The following NOMO1 variants were observed in gnomAD, a reference collection of about 807,000 sequenced individuals.
The protein encoded by NOMO1 is nodal modulator 3.
Under a neutral mutation model 133.8 loss-of-function variants are expected in NOMO1, and 40 were observed. The observed-to-expected ratio is 0.30, with a 90% CI of 0.23 to 0.39. The LOEUF is 0.39. Among genes scored for constraint, NOMO1 ranks in the 10% least tolerant of loss-of-function variants. The probability of loss-of-function intolerance (pLI) is 1.00; values close to 1 mark genes in which losing one functional copy is unlikely to be tolerated. For synonymous variants in NOMO1, 236 were observed against 570.5 expected (o/e 0.41, Z 8.36); for missense variants, 462 against 1,419.9 (o/e 0.33, Z 10.84).
Position 14,866,616 on chromosome 16 carries a change from G to A in NOMO1, c.1731G>A (p.Glu577=), listed in dbSNP as rs1310517884. 3 of 1,609,798 alleles carry A rather than the reference G, an allele frequency of 1.9e-6. No individual in the cohort carries two copies. The highest frequency in any genetic ancestry group is 1.1e-5 in the South Asian group (1 of 90,912). Residue 577 remains glutamate (E), a synonymous_variant, in exon 15 of 31, where the codon GAG becomes GAA. Transcript: ENST00000287667. ...AGAGCCTGGAGGTGGAAGTGCTGGA[G>A]GATGACATGTCTGCAGTTGAGTTCA... ...KNKSLEVEVL[E]DDMSAVEFRQ...
In NOMO1 at chr16:14,846,221, T is replaced by C. The variant is rs1380883425; in HGVS notation, c.403-356T>C. Among the ~76,000 whole-genome samples the C allele has an allele frequency of 3.4e-5, 5 of 148,916 alleles. 1 individual carries two copies. The East Asian group carries it at 8.0e-4, about 24-fold the overall frequency. ...TTTGTATTTTTAGTAGAGACAGGGT[T>C]TCACCATGTTGGCCAGGCTGGTCTC... On this transcript the variant is annotated intron_variant, in intron 4 of 30. Coordinates refer to ENST00000287667, the MANE Select transcript of NOMO1 (RefSeq NM_014287.4).
intron 1 of NOMO1, among the ~76,000 whole-genome samples, chr16:14,836,322 A>G (rs1277541210): frequency 6.6e-6 from 1 of 152,040 alleles, no homozygotes; most frequent in East Asian, 1.9e-4. Flanking sequence ...CACTGACCTC[A>G]GAGAACTTTA....
chr16:14,888,543 G>A (rs1169028933), intron 28 of NOMO1: 2 of 168,742 alleles, frequency 1.2e-5, no homozygotes, highest in African/African-American at 4.8e-5. Flanking sequence ...CCTGGCAGCT[G>A]GTCGGTGCTC....
intron 6 of NOMO1, among the ~76,000 whole-genome samples, chr16:14,850,743 A>G (rs1379653780): frequency 6.6e-6 from 1 of 151,744 alleles, no homozygotes; most frequent in East Asian, 1.9e-4. Flanking sequence ...ACTGTTTATG[A>G]CTTTTGGTTT....
rs1277928804 is a variant in NOMO1, at chr16:14,844,682, AC to A, written c.312del (p.Val105TrpfsTer27). ...CCTGCTTCGTTCCTCAGAGCCGACG[AC>A]CGTGGAGCTCCATGTGGATGGAGTC... The part of the protein sequence containing the change: ...PPLGWSFEPT[T>X]VELHVDGVSD... On this transcript the variant is annotated frameshift_variant, in exon 4 of 31. Coordinates refer to ENST00000287667, the MANE Select transcript of NOMO1 (RefSeq NM_014287.4). LOFTEE classifies it high-confidence loss of function. 1 of 606,216 alleles carries A rather than the reference AC, an allele frequency of 1.6e-6. No homozygotes were observed. Among genetic ancestry groups the A allele is most frequent in the African/African-American group, 2.4e-5 (1 of 41,784 alleles). The allele number at this position is 606,216 out of a possible 1,614,324, so 37.6% of individuals were successfully genotyped here. A position where few individuals can be genotyped will look rare whatever the true frequency, so the allele number is the denominator to read the frequency against.
intron 1 of NOMO1, among the ~76,000 whole-genome samples, chr16:14,838,115 C>T (rs1247666583): frequency 1.3e-5 from 2 of 151,206 alleles, no homozygotes; most frequent in Non-Finnish European, 2.9e-5. Flanking sequence ...GTTTTAGACC[C>T]GGAAACTTAC....
intron 3 of NOMO1, among the ~76,000 whole-genome samples, chr16:14,842,276 T>A (rs1358362525): frequency 9.9e-5 from 15 of 151,178 alleles, no homozygotes; most frequent in Admixed American, 9.9e-4. Context: ...GGCTTGCTCG[T>A]GCATTAGACA....
Position 14,867,176 on chromosome 16 carries a change from A to ATTTTTTTTTTTTTTTTT in NOMO1, c.1806+498_1806+514dup, listed in dbSNP as rs1174703237. 2.7e-4 allele frequency among the ~76,000 whole-genome samples: 2 copies of ATTTTTTTTTTTTTTTTT among 7,476 alleles called. 1 individual carries two copies. The highest frequency in any genetic ancestry group is 7.3e-4 in the Non-Finnish European group (2 of 2,730). The allele number at this position is 7,476 out of a possible 152,430, so 4.9% of individuals were successfully genotyped here. A position where few individuals can be genotyped will look rare whatever the true frequency, so the allele number is the denominator to read the frequency against. ...TATATATATATATATATATATATAT[A>ATTTTTTTTTTTTTTTTT]TTTTTTTTTTTTTTTTTTTTTTTTT... On this transcript the variant is annotated intron_variant, in intron 15 of 30. Coordinates refer to ENST00000287667, the MANE Select transcript of NOMO1 (RefSeq NM_014287.4).
At position 14,871,628 on chromosome 16, in the gene NOMO1, C is replaced by G; in HGVS notation, c.1902C>G (p.Tyr634Ter). The G allele has an allele frequency of 6.2e-7, 1 of 1,610,724 alleles. No individual in the cohort carries two copies. Among genetic ancestry groups the G allele is most frequent in the East Asian group, 2.2e-5 (1 of 44,838 alleles). ...TTGATTTCCTGTCTGTAGGTGTGTA[C>G]AAAGTGACCCCTCGCTCCTGCCACC... ...NRFCLSKPGVYKVTPRSCHRF... is the reference protein window; with the variant it reads ...NRFCLSKPGV The change falls in exon 17 of 31, where the codon TAC becomes TAG. Residue 634 changes from tyrosine (Y) to a stop codon, truncating the protein, a stop_gained. Coordinates refer to ENST00000287667, the MANE Select transcript of NOMO1 (RefSeq NM_014287.4). LOFTEE classifies it high-confidence loss of function.
chr16:14,857,573 C>T lies in NOMO1; in HGVS notation c.1138C>T (p.Gln380Ter), dbSNP rs1963861622. ...ITTGTYTIHA[Q>*]KEHLYFETVT... is the part of the protein sequence containing the mutation. ...CACAGGGACATACACCATCCATGCTCAGAAAGAGCACCTCTACTTTGAAAC... is the reference window on the plus strand; with the variant it reads ...CACAGGGACATACACCATCCATGCTTAGAAAGAGCACCTCTACTTTGAAAC... Residue 380 changes from glutamine to a stop codon, truncating the protein, a stop_gained, in exon 11 of 31, where the codon CAG becomes TAG. Transcript: ENST00000287667. LOFTEE classifies it high-confidence loss of function. 1 of 1,612,276 alleles carries T rather than the reference C, an allele frequency of 6.2e-7. No homozygotes were observed. The highest frequency in any genetic ancestry group is 8.5e-7 in the Non-Finnish European group (1 of 1,179,468).
At chr16:14,889,023 C>T (rs1352319526) in intron 28 of NOMO1, 73 bp from the exon 29 acceptor site, 27 of 1,610,338 alleles carry the variant, frequency 1.7e-5, no homozygotes, top group East Asian at 6.7e-5. Flanking sequence ...CACAGCCATA[C>T]GTTAGGTTTT....
At chr16:14,834,767 G>T (rs1310741529) in intron 1 of NOMO1, among the ~76,000 whole-genome samples, 1 of 138,820 alleles carries the variant, frequency 7.2e-6, no homozygotes, top group Non-Finnish European at 1.5e-5. Flanking sequence ...ACCCAGAAAG[G>T]TTCCCGTAAA....
At chr16:14,880,776 T>G (rs532093458) in intron 24 of NOMO1, among the ~76,000 whole-genome samples, 126 of 151,520 alleles carry the variant, frequency 8.3e-4, no homozygotes, top group Admixed American at 1.5e-3. Flanking sequence ...CTGAAAAGAG[T>G]ATAGTGTAAA....
At chr16:14,880,989 G>GTCAAGA (rs1205441242) in intron 24 of NOMO1, among the ~76,000 whole-genome samples, 1 of 150,604 alleles carries the variant, frequency 6.6e-6, no homozygotes. Flanking sequence ...TTCAAGACCA[G>GTCAAGA]CCTAGGCAAC....
intron 1 of NOMO1, among the ~76,000 whole-genome samples, chr16:14,836,141 A>T (rs1963504135): frequency 6.6e-6 from 1 of 152,058 alleles, no homozygotes; most frequent in African/African-American, 2.4e-5. Context: ...AGTGATCTGA[A>T]TCCTTTTGGA....
At chr16:14,864,232 C>T (rs1486974784) in intron 12 of NOMO1, among the ~76,000 whole-genome samples, 2 of 150,286 alleles carry the variant, frequency 1.3e-5, no homozygotes, top group East Asian at 3.9e-4. Context: ...TTAACAGGTT[C>T]AGAGCTTATG....
In NOMO1 at chr16:14,864,920, A is replaced by C; in HGVS notation, c.1538-104A>C. The stretch of plus-strand genomic sequence containing the variant: ...CGTCTGCCTCCGGCCACTGCCTCTT[A>C]GGAGCTCAGCAGTAGCAAGAAGCTA... On this transcript the variant is annotated intron_variant, in intron 13 of 30. Transcript: ENST00000287667. 11 of 1,564,340 alleles carry C rather than the reference A, an allele frequency of 7.0e-6. 1 individual carries two copies. The South Asian group carries it at 1.1e-4, about 16-fold the overall frequency.
At position 14,881,662 on chromosome 16, in the gene NOMO1, A is replaced by G. The variant is rs1399402977; in HGVS notation, c.3004A>G (p.Lys1002Glu). The change falls in exon 25 of 31, where the codon AAG becomes GAG. Residue 1002 changes from lysine to glutamate, a missense_variant. Transcript: ENST00000287667. ...AGACACCGTGACAGACGAAGAGGGC[A>G]AGTTCAGATTACGTGGATTGCTGGT... The part of the protein sequence containing the change: ...GEDTVTDEEG[K>E]FRLRGLLPGC... 5 of 1,611,322 alleles carry G rather than the reference A, an allele frequency of 3.1e-6. No individual in the cohort carries two copies. The highest frequency in any genetic ancestry group is 4.2e-6 in the Non-Finnish European group (5 of 1,179,668).
At chr16:14,859,767 A>C (rs1963895654) in intron 11 of NOMO1, among the ~76,000 whole-genome samples, 1 of 152,180 alleles carries the variant, frequency 6.6e-6, no homozygotes, top group Non-Finnish European at 1.5e-5. Flanking sequence ...AAATACATTT[A>C]TGCTGCTAAA....
Sources: gnomAD v4.1 joint callset for allele counts (sites outside exome capture counted in the v4.1 genomes callset) on GRCh38, gnomAD v4.1.1 for gene constraint, MANE v1.5 for transcripts, NCBI Gene and HGNC (gene_info 2026-07-23, HGNC 2026-07-21) for gene names.